Variants in NEMF observed in about 807,000 individuals in gnomAD.
The protein encoded by NEMF is nuclear export mediator factor, also known as ribosome quality control complex subunit NEMF.
In NEMF, 89 loss-of-function variants were observed where a neutral mutation model predicts 162.2. That is an observed-to-expected ratio of 0.55 (90% CI 0.46 to 0.65). The LOEUF is 0.65. Among genes scored for constraint, NEMF ranks in the 30% least tolerant of loss-of-function variants. NEMF has a pLI of 0.00. For synonymous variants in NEMF, 421 were observed against 404.5 expected, an observed-to-expected ratio of 1.04 and a Z score of -0.49; for missense variants, 1,133 against 1,261.9, an observed-to-expected ratio of 0.90 and a Z score of 1.55.
At chr14:49,838,049 T>C in intron 6 of NEMF, 90 bp downstream of exon 6, 1 of 1,032,484 alleles carries the variant, frequency 9.7e-7, no homozygotes, top group Non-Finnish European at 1.4e-6. Context: ...CTTGTTCAAA[T>C]TTTCTAATAA....
At chr14:49,842,628 G>T (rs1228302290) in intron 4 of NEMF, among the ~76,000 whole-genome samples, 1 of 152,230 alleles carries the variant, frequency 6.6e-6, no homozygotes, top group Non-Finnish European at 1.5e-5. Flanking sequence ...GAAATGACAG[G>T]TTGCAATGTA....
chr14:49,841,070 G>A (rs1310636124), intron 4 of NEMF, among the ~76,000 whole-genome samples: 2 of 151,426 alleles, frequency 1.3e-5, no homozygotes, highest in Admixed American at 1.3e-4. Flanking sequence ...GGTGGCGGGT[G>A]CCTATAATCC....
At chr14:49,814,683 C>G (rs1023675919) in intron 17 of NEMF, 71 bp downstream of exon 17, 5 of 749,850 alleles carry the variant, frequency 6.7e-6, no homozygotes. Context: ...ACAAGAAAAT[C>G]AATGCCTAAT....
At chr14:49,825,740 C>G (rs1892306771) in intron 16 of NEMF, 127 bp downstream of exon 16, 1 of 630,172 alleles carries the variant, frequency 1.6e-6, no homozygotes. Context: ...TCAAACAAAC[C>G]AACAAAAAAT....
chr14:49,827,786 C>G (rs530689324), intron 15 of NEMF, among the ~76,000 whole-genome samples: 1 of 151,476 alleles, frequency 6.6e-6, no homozygotes, highest in South Asian at 2.1e-4. Context: ...GCACTCCAGC[C>G]TGAGCAATAA....
At position 49,789,512 on chromosome 14, in the gene NEMF, A is replaced by T; in HGVS notation, c.2681T>A (p.Ile894Asn). Residue 894 changes from isoleucine to asparagine, a missense_variant, in exon 27 of 33, where the codon ATC becomes AAC. Physicochemically the swap from Ile to Asn is moderately radical, Grantham distance 149. Transcript: ENST00000298310. ...GTTATTTACCCCCAGCAACTTCATG[A>T]TAAGTTCACGGTCTTCTTCATCCTG... ...KDQDEEDREL[I>N]MKLLGSAGSN... 6.2e-7 allele frequency: 1 copy of T among 1,612,264 alleles called. No homozygotes were observed. The highest frequency in any genetic ancestry group is 8.5e-7 in the Non-Finnish European group (1 of 1,179,614).
At chr14:49,833,120 T>C (rs1313389853) in intron 8 of NEMF, among the ~76,000 whole-genome samples, 2 of 151,824 alleles carry the variant, frequency 1.3e-5, no homozygotes, top group Non-Finnish European at 2.9e-5. Flanking sequence ...ATAAAAACTG[T>C]CCAGGCATGG....
At chr14:49,843,825 G>A (rs1362570880) in intron 4 of NEMF, among the ~76,000 whole-genome samples, 19 of 152,194 alleles carry the variant, frequency 1.2e-4, no homozygotes, top group Admixed American at 5.2e-4. Flanking sequence ...CAGGCCGGGC[G>A]CAGTGGCTCA....
chr14:49,823,465 T>C (rs1892188240), intron 16 of NEMF, among the ~76,000 whole-genome samples: 1 of 148,870 alleles, frequency 6.7e-6, no homozygotes, highest in Admixed American at 6.7e-5. Flanking sequence ...GAAAAGAGAG[T>C]TCTTAAAATT....
At position 49,800,328 on chromosome 14, in the gene NEMF, C is replaced by T. The variant is rs573591540; in HGVS notation, c.2372+92G>A. The T allele has an allele frequency of 1.6e-4, 156 of 954,544 alleles. 1 individual carries two copies. The African/African-American group carries it at 2.0e-3, about 12-fold the overall frequency. The allele number at this position is 954,544 out of a possible 1,614,324, so 59.1% of individuals were successfully genotyped here. A position where few individuals can be genotyped will look rare whatever the true frequency, so the allele number is the denominator to read the frequency against. ...ATTAAGACAATGGAGTGTAAAAGTA[C>T]TGATGTCAATCTTGGTATTATCTTT... is the stretch of plus-strand genomic sequence containing the variant. On this transcript the variant is annotated intron_variant, in intron 23 of 32. Transcript: ENST00000298310.
Position 49,806,068 on chromosome 14 carries a change from AAGCAGCACTGT to A in NEMF, c.1799_1809del (p.Tyr600LeufsTer8). On this transcript the variant is annotated frameshift_variant, in exon 19 of 33. Transcript: ENST00000298310. LOFTEE classifies it high-confidence loss of function. ...GCACTAGTGATAACTCGTGCATCCCAAGCAGCACTGTAGCAAAGTGCCATTGTGCCAGCTTC... is the reference window on the plus strand; with the variant it reads ...GCACTAGTGATAACTCGTGCATCCCAAGCAAAGTGCCATTGTGCCAGCTTC... 5.0e-6 allele frequency: 8 copies of A among 1,611,408 alleles called. No homozygotes were observed. The highest frequency in any genetic ancestry group is 5.9e-6 in the Non-Finnish European group (7 of 1,179,022).
intron 8 of NEMF, 53 bp from the exon 9 acceptor site, chr14:49,832,330 C>A: frequency 3.5e-6 from 4 of 1,145,522 alleles, no homozygotes; most frequent in Non-Finnish European, 4.8e-6. Flanking sequence ...CAAAGATTTA[C>A]TTCTTTTTTT....
intron 32 of NEMF, 42 bp from the exon 33 acceptor site, chr14:49,784,755 G>T: frequency 6.6e-7 from 1 of 1,523,594 alleles, no homozygotes; most frequent in Non-Finnish European, 9.0e-7. Flanking sequence ...ATCCTGTATG[G>T]TCAATCATGT....
chr14:49,795,603 G>A (rs1890656463), intron 26 of NEMF, among the ~76,000 whole-genome samples, 188 bp downstream of exon 26: 1 of 152,218 alleles, frequency 6.6e-6, no homozygotes, highest in Non-Finnish European at 1.5e-5. Flanking sequence ...GATCTTGAAA[G>A]TCTAAAGAAC....
At position 49,851,625 on chromosome 14, in the gene NEMF, G is replaced by C. The variant is rs983240672; in HGVS notation, c.169C>G (p.Arg57Gly). The C allele has an allele frequency of 1.2e-6, 2 of 1,613,740 alleles. No homozygotes were observed. Among genetic ancestry groups the C allele is most frequent in the African/African-American group, 2.7e-5 (2 of 74,882 alleles). Reference sequence around the variant, plus strand: ...CACTCAAATTCTGTTGTATGAATTCGTATGCCAGATTCAAGTAAAAGTGTA... The same window carrying C: ...CACTCAAATTCTGTTGTATGAATTCCTATGCCAGATTCAAGTAAAAGTGTA... The part of the protein sequence containing the change: ...KATLLLESGI[R>G]IHTTEFEWPK... Residue 57 changes from arginine to glycine, a missense_variant, in exon 3 of 33, where the codon CGA becomes GGA. By Grantham distance (125) the Arg-to-Gly change is moderately radical. Coordinates refer to ENST00000298310, the MANE Select transcript of NEMF (RefSeq NM_004713.6).
chr14:49,814,105 C>G, intron 17 of NEMF, 55 bp from the exon 18 acceptor site: 1 of 872,584 alleles, frequency 1.1e-6, no homozygotes, highest in Non-Finnish European at 1.8e-6. Flanking sequence ...TTCTTTTTTC[C>G]TTTTTTTTTT....
chr14:49,784,403 TATTA>T lies in NEMF; in HGVS notation c.*229_*232del. On this transcript the variant is annotated 3_prime_UTR_variant, in exon 33 of 33. Coordinates refer to ENST00000298310, the MANE Select transcript of NEMF (RefSeq NM_004713.6). Reference sequence around the variant, plus strand: ...AAAATGTAGAATAACTACAGATGTATATTAATTAGCATTTAACTGTCCACAAATA... The same window carrying T: ...AAAATGTAGAATAACTACAGATGTATATTAGCATTTAACTGTCCACAAATA... 7.1e-6 allele frequency: 3 copies of T among 422,448 alleles called. No individual in the cohort carries two copies. The highest frequency in any genetic ancestry group is 9.3e-5 in the South Asian group (2 of 21,544). The allele number at this position is 422,448 out of a possible 1,614,324, so 26.2% of individuals were successfully genotyped here.
At chr14:49,842,224 A>AG in intron 4 of NEMF, among the ~76,000 whole-genome samples, 1 of 15,624 alleles carries the variant, frequency 6.4e-5, no homozygotes, top group Admixed American at 1.4e-3. Flanking sequence ...AATAGTAGAA[A>AG]GAGGTTACCT....
intron 23 of NEMF, among the ~76,000 whole-genome samples, chr14:49,800,056 T>C (rs1890884051): frequency 6.6e-6 from 1 of 152,248 alleles, no homozygotes; most frequent in Non-Finnish European, 1.5e-5. Context: ...ACTCCTAGAC[T>C]GTTCTGAATT....
Sources: gnomAD v4.1 joint callset for allele counts (sites outside exome capture counted in the v4.1 genomes callset) on GRCh38, gnomAD v4.1.1 for gene constraint, MANE v1.5 for transcripts, NCBI Gene and HGNC (gene_info 2026-07-23, HGNC 2026-07-21) for gene names.